Variants in NDST3 observed in about 807,000 individuals in gnomAD.
NDST3 encodes bifunctional heparan sulfate N-deacetylase/N-sulfotransferase 3.
In NDST3, 58 loss-of-function variants were observed where a neutral mutation model predicts 96.1. The ratio of observed to expected loss-of-function variants is 0.60; its 90% confidence interval spans 0.49 to 0.75. NDST3 has a LOEUF of 0.75. NDST3 is among the 30% of genes least tolerant of loss of function. NDST3 has a pLI of 0.00. For synonymous variants in NDST3, 333 were observed against 359.7 expected (o/e 0.93, Z 0.84); for missense variants, 788 against 1,034.2 (o/e 0.76, Z 3.27).
chr4:118,045,932 T>C (rs930677377), intron 1 of NDST3, among the ~76,000 whole-genome samples: 10 of 152,006 alleles, frequency 6.6e-5, no homozygotes. Flanking sequence ...AATAAGGTTT[T>C]GCTCTAAGAA....
Position 118,066,082 on chromosome 4 carries a change from A to ATTATATATTATATATATTATATATT in NDST3, c.981+11214_981+11215insTTTTATATATTATATATATTATATA. On this transcript the variant is annotated intron_variant, in intron 2 of 13. Transcript: ENST00000296499. The stretch of plus-strand genomic sequence containing the variant: ...AAAATATATATTTTATATATAACAT[A>ATTATATATTATATATATTATATATT]TTATATATTATATATATTATATAAT... Among the ~76,000 whole-genome samples the ATTATATATTATATATATTATATATT allele has an allele frequency of 1.9e-3, 149 of 78,946 alleles. 4 individuals carry two copies. Among genetic ancestry groups the ATTATATATTATATATATTATATATT allele is most frequent in the African/African-American group, 6.5e-3 (143 of 22,020 alleles). The allele number at this position is 78,946 out of a possible 152,430, so 51.8% of individuals were successfully genotyped here. A position where few individuals can be genotyped will look rare whatever the true frequency, so the allele number is the denominator to read the frequency against.
chr4:118,172,138 G>C (rs762260249), intron 6 of NDST3, among the ~76,000 whole-genome samples: 2 of 152,194 alleles, frequency 1.3e-5, no homozygotes, highest in African/African-American at 2.4e-5. Context: ...AGTGAACATG[G>C]TCAAGGTGAT....
intron 2 of NDST3, among the ~76,000 whole-genome samples, chr4:118,070,804 C>G (rs892865566): frequency 6.6e-6 from 1 of 152,056 alleles, no homozygotes; most frequent in African/African-American, 2.4e-5. Flanking sequence ...CCACTCCCCC[C>G]ACCTCATGAC....
chr4:118,043,514 C>T (rs1246411897), intron 1 of NDST3, among the ~76,000 whole-genome samples: 1 of 152,136 alleles, frequency 6.6e-6, no homozygotes, highest in Non-Finnish European at 1.5e-5. Flanking sequence ...CTGGTCTTAC[C>T]AAGTTTGAAA....
intron 6 of NDST3, among the ~76,000 whole-genome samples, chr4:118,151,914 C>CTG (rs1734426071): frequency 6.6e-6 from 1 of 152,142 alleles, no homozygotes; most frequent in African/African-American, 2.4e-5. Flanking sequence ...TCTGCAGACT[C>CTG]TTTCAAAGTA....
chr4:118,222,527 T>A (rs1322211384), intron 6 of NDST3, among the ~76,000 whole-genome samples: 1 of 151,976 alleles, frequency 6.6e-6, no homozygotes, highest in South Asian at 2.1e-4. Flanking sequence ...TAAGGTGACA[T>A]GCGTTACAAA....
chr4:118,148,095 A>G (rs561688517), intron 6 of NDST3, among the ~76,000 whole-genome samples: 29 of 152,244 alleles, frequency 1.9e-4, no homozygotes, highest in East Asian at 9.7e-4. Flanking sequence ...TCAGGAGATC[A>G]AGACCATCCT....
intron 3 of NDST3, among the ~76,000 whole-genome samples, chr4:118,107,856 A>G (rs1730325658): frequency 6.6e-6 from 1 of 152,248 alleles, no homozygotes; most frequent in Admixed American, 6.5e-5. Flanking sequence ...AGAATTCATA[A>G]TAAACTGATA....
intron 4 of NDST3, among the ~76,000 whole-genome samples, chr4:118,123,271 T>C (rs900768319): frequency 2.0e-5 from 3 of 152,284 alleles, no homozygotes; most frequent in Admixed American, 6.5e-5. Context: ...TTCAGAAATA[T>C]TAAACTTCAC....
intron 2 of NDST3, among the ~76,000 whole-genome samples, chr4:118,072,357 A>C (rs1251223830): frequency 6.6e-6 from 1 of 152,080 alleles, no homozygotes; most frequent in Non-Finnish European, 1.5e-5. Flanking sequence ...CTTCCTATTC[A>C]TGAGCACGGA....
At chr4:118,231,348 TA>T (rs11297151) in intron 8 of NDST3, among the ~76,000 whole-genome samples, 1,336 of 80,276 alleles carry the variant, frequency 0.017, 12 homozygotes, top group Middle Eastern at 0.14. Flanking sequence ...AAAAAATAAA[TA>T]AATAATAATA....
chr4:118,066,188 CTT>C (rs1310045024), intron 2 of NDST3, among the ~76,000 whole-genome samples: 1 of 13,118 alleles, frequency 7.6e-5, no homozygotes, highest in African/African-American at 2.3e-4. Context: ...TATTATATAT[CTT>C]ATATATTATA....
Position 118,226,991 on chromosome 4 carries a change from T to C in NDST3, c.1819+9T>C, listed in dbSNP as rs750472320. 6.4e-7 allele frequency: 1 copy of C among 1,574,100 alleles called. No individual in the cohort carries two copies. Among genetic ancestry groups the C allele is most frequent in the East Asian group, 2.2e-5 (1 of 44,660 alleles). On this transcript the variant is annotated intron_variant, in intron 8 of 13. Transcript: ENST00000296499. ...AGGACCCCAGAAAACTGGTGAGAACTTTTTATGTTATGATTAACGAGTGTA... is the reference window on the plus strand; with the variant it reads ...AGGACCCCAGAAAACTGGTGAGAACCTTTTATGTTATGATTAACGAGTGTA...
chr4:118,125,536 T>C (rs1052255834), intron 4 of NDST3, among the ~76,000 whole-genome samples: 6 of 152,098 alleles, frequency 3.9e-5, no homozygotes, highest in African/African-American at 1.4e-4. Context: ...TTTAGGAGAT[T>C]ATTCCATCCT....
chr4:118,067,938 G>T (rs1356688477), intron 2 of NDST3, among the ~76,000 whole-genome samples: 1 of 150,452 alleles, frequency 6.6e-6, no homozygotes, highest in Non-Finnish European at 1.5e-5. Flanking sequence ...TAAATAAAAA[G>T]AAAAAAGAAA....
At chr4:118,219,007 T>A (rs11934183) in intron 6 of NDST3, among the ~76,000 whole-genome samples, 25,786 of 151,376 alleles carry the variant, frequency 0.17, 2,337 homozygotes, top group South Asian at 0.23. Context: ...CTTCAAGGAG[T>A]ACTACAAACC....
At chr4:118,046,926 C>G (rs1359846379) in intron 1 of NDST3, among the ~76,000 whole-genome samples, 3 of 152,170 alleles carry the variant, frequency 2.0e-5, no homozygotes, top group African/African-American at 4.8e-5. Flanking sequence ...GCACAGACAC[C>G]TAACAAAAGA....
chr4:118,074,555 G>A (rs1014962154), intron 2 of NDST3, among the ~76,000 whole-genome samples: 1 of 152,090 alleles, frequency 6.6e-6, no homozygotes, highest in Non-Finnish European at 1.5e-5. Context: ...CTGAAAGAAG[G>A]ATAACAACTC....
At chr4:118,112,660 T>C (rs1730736459) in intron 3 of NDST3, among the ~76,000 whole-genome samples, 1 of 152,154 alleles carries the variant, frequency 6.6e-6, no homozygotes, top group Non-Finnish European at 1.5e-5. Context: ...GCAAAACATG[T>C]GTTTAAGATC....
Sources: allele counts gnomAD v4.1 joint callset (sites outside exome capture counted in the v4.1 genomes callset), GRCh38; gene constraint gnomAD v4.1.1; transcripts MANE v1.5; gene names NCBI Gene and HGNC (gene_info 2026-07-23, HGNC 2026-07-21).